CSMD1: variants seen among roughly 807,000 people sequenced by gnomAD.
CSMD1 encodes CUB and sushi domain-containing protein 1.
Under a neutral mutation model 417.5 loss-of-function variants are expected in CSMD1, and 213 were observed. The ratio of observed to expected loss-of-function variants is 0.51; its 90% CI spans 0.46 to 0.57. The LOEUF (loss-of-function observed/expected upper bound fraction) is 0.57, where lower values mean the gene tolerates loss of function less well. Among genes scored for constraint, CSMD1 ranks in the 20% least tolerant of loss-of-function variants. The probability of loss-of-function intolerance (pLI) is 0.00; values close to 1 mark genes in which losing one functional copy is unlikely to be tolerated. For missense variants in CSMD1, 6,923 were observed against 4,529.7 expected (o/e 1.53, Z -15.17); for synonymous variants, 2,862 against 1,736.8 (o/e 1.65, Z -16.11).
In CSMD1 at chr8:3,092,528, C is replaced by G. The variant is rs191690429; in HGVS notation, c.7139-866G>C. Among the ~76,000 whole-genome samples the G allele has an allele frequency of 4.1e-4, 62 of 152,274 alleles. 1 individual carries two copies. Among genetic ancestry groups the G allele is most frequent in the East Asian group, 3.7e-3 (19 of 5,178 alleles). ...ATATGGGTGAAGCTTCTAAATTTAC[C>G]TGTACACATTGCTTCTTTATAAGAT... On this transcript the variant is annotated intron_variant, in intron 47 of 69. Coordinates refer to ENST00000635120, the MANE Select transcript of CSMD1 (RefSeq NM_033225.6).
At chr8:4,670,647 A>G (rs1805237396) in intron 1 of CSMD1, among the ~76,000 whole-genome samples, 1 of 152,242 alleles carries the variant, frequency 6.6e-6, no homozygotes, top group South Asian at 2.1e-4. Flanking sequence ...GTTACCTGCT[A>G]TAATATAAAA....
At chr8:3,366,926 C>G in intron 20 of CSMD1, 106 bp downstream of exon 20, 4 of 885,508 alleles carry the variant, frequency 4.5e-6, no homozygotes, top group Non-Finnish European at 7.2e-6. Context: ...TACAAACACA[C>G]ACGGATGCAC....
At chr8:4,757,508 G>A (rs1389030052) in intron 1 of CSMD1, among the ~76,000 whole-genome samples, 1 of 152,170 alleles carries the variant, frequency 6.6e-6, no homozygotes, top group Non-Finnish European at 1.5e-5. Context: ...CACACTGCAA[G>A]AGGGAGAACT....
intron 1 of CSMD1, among the ~76,000 whole-genome samples, chr8:4,965,897 A>C (rs2117356573): frequency 6.6e-6 from 1 of 152,312 alleles, no homozygotes; most frequent in Non-Finnish European, 1.5e-5. Flanking sequence ...AAGTAGAGAA[A>C]GATAACTTGA....
chr8:3,548,873 T>G (rs1798791114), intron 10 of CSMD1, among the ~76,000 whole-genome samples: 1 of 152,000 alleles, frequency 6.6e-6, no homozygotes, highest in Non-Finnish European at 1.5e-5. Context: ...TGGGTCCCGC[T>G]CCCTACCCCG....
intron 17 of CSMD1, among the ~76,000 whole-genome samples, chr8:3,394,236 AATT>A: frequency 6.8e-6 from 1 of 146,860 alleles, no homozygotes; most frequent in Non-Finnish European, 1.5e-5. Flanking sequence ...TTACATATTA[AATT>A]ATTATATTAT....
At chr8:3,260,209 T>G (rs750336281) in intron 26 of CSMD1, among the ~76,000 whole-genome samples, 9 of 152,206 alleles carry the variant, frequency 5.9e-5, no homozygotes, top group Non-Finnish European at 1.0e-4. Flanking sequence ...TCACCCTGAA[T>G]TGAACTCTTT....
At chr8:4,131,537 T>C (rs1288297623) in intron 3 of CSMD1, among the ~76,000 whole-genome samples, 7 of 152,162 alleles carry the variant, frequency 4.6e-5, no homozygotes, top group Non-Finnish European at 1.0e-4. Flanking sequence ...TCAACGCATT[T>C]TGTCTTTAAC....
chr8:3,125,526 C>G (rs183423260), intron 41 of CSMD1, among the ~76,000 whole-genome samples: 1 of 152,220 alleles, frequency 6.6e-6, no homozygotes, highest in Non-Finnish European at 1.5e-5. Flanking sequence ...AAGTTACCTT[C>G]TAGGGTAAAG....
chr8:3,918,996 C>T (rs550834312), intron 5 of CSMD1, among the ~76,000 whole-genome samples: 3 of 151,974 alleles, frequency 2.0e-5, no homozygotes, highest in Admixed American at 6.6e-5. Flanking sequence ...TTCATGTAAC[C>T]AAATACCACC....
intron 37 of CSMD1, among the ~76,000 whole-genome samples, chr8:3,177,929 G>A (rs1351680391): frequency 1.3e-5 from 2 of 152,174 alleles, no homozygotes; most frequent in Admixed American, 6.5e-5. Context: ...AGAAAAGAAC[G>A]CAGAACAAGA....
intron 21 of CSMD1, among the ~76,000 whole-genome samples, chr8:3,348,683 C>G (rs1808180294): frequency 6.6e-6 from 1 of 152,196 alleles, no homozygotes; most frequent in Non-Finnish European, 1.5e-5. Flanking sequence ...CCCTGAATGC[C>G]TCAGCATTAT....
At chr8:4,727,149 G>T (rs998727496) in intron 1 of CSMD1, among the ~76,000 whole-genome samples, 2 of 152,000 alleles carry the variant, frequency 1.3e-5, no homozygotes, top group Admixed American at 6.6e-5. Context: ...GGGACACTTC[G>T]CTCTCAATCC....
At chr8:4,787,167 T>G (rs958851420) in intron 1 of CSMD1, among the ~76,000 whole-genome samples, 4 of 152,212 alleles carry the variant, frequency 2.6e-5, no homozygotes, top group African/African-American at 9.6e-5. Context: ...TCGGCCGCTG[T>G]AGCGGAGCTC....
chr8:3,996,160 T>C (rs1815197462), intron 5 of CSMD1, among the ~76,000 whole-genome samples: 1 of 150,806 alleles, frequency 6.6e-6, no homozygotes, highest in Non-Finnish European at 1.5e-5. Flanking sequence ...GGTTCTAGAA[T>C]CACTAACAAA....
intron 37 of CSMD1, among the ~76,000 whole-genome samples, chr8:3,179,718 A>G (rs1821193362): frequency 6.6e-6 from 1 of 152,214 alleles, no homozygotes; most frequent in South Asian, 2.1e-4. Context: ...GTGAATTTTT[A>G]AATACTATCA....
chr8:4,412,336 T>C (rs1349672858), intron 3 of CSMD1, among the ~76,000 whole-genome samples: 2 of 151,374 alleles, frequency 1.3e-5, no homozygotes, highest in Non-Finnish European at 2.9e-5. Context: ...TCACCAAAAT[T>C]GAACTGAAAA....
intron 16 of CSMD1, among the ~76,000 whole-genome samples, chr8:3,398,535 A>G (rs535224855): frequency 6.6e-6 from 1 of 152,322 alleles, no homozygotes; most frequent in South Asian, 2.1e-4. Context: ...CAAAAAGATA[A>G]TAATACAATG....
At chr8:4,317,074 GCTA>G (rs1456180068) in intron 3 of CSMD1, among the ~76,000 whole-genome samples, 1 of 152,110 alleles carries the variant, frequency 6.6e-6, no homozygotes, top group Admixed American at 6.6e-5. Context: ...GAATTAATCA[GCTA>G]CTAGTGTTTA....
Sources: gnomAD v4.1 joint callset for allele counts (sites outside exome capture counted in the v4.1 genomes callset) on GRCh38, gnomAD v4.1.1 for gene constraint, MANE v1.5 for transcripts, NCBI Gene and HGNC (gene_info 2026-07-23, HGNC 2026-07-21) for gene names.